The following GRM8 variants were observed in gnomAD, a reference collection of about 807,000 sequenced individuals.
The protein encoded by GRM8 is glutamate metabotropic receptor 8.
In GRM8, 47 loss-of-function variants were observed where a neutral mutation model predicts 87.2. That is an observed-to-expected ratio of 0.54 (90% CI 0.43 to 0.69). GRM8 has a LOEUF of 0.69. Ranked by LOEUF, GRM8 falls within the 30% of genes least tolerant of loss-of-function variation. The pLI is 0.00. For synonymous variants in GRM8, 396 were observed against 404.5 expected, an observed-to-expected ratio of 0.98 and a Z score of 0.25; for missense variants, 1,019 against 1,139.2, an observed-to-expected ratio of 0.89 and a Z score of 1.52.
At chr7:127,192,327 C>T (rs1451840357) in intron 2 of GRM8, among the ~76,000 whole-genome samples, 4 of 152,276 alleles carry the variant, frequency 2.6e-5, no homozygotes, top group South Asian at 2.1e-4. Context: ...AATTTTAGTC[C>T]ATTTGCAGTT....
chr7:126,753,511 TAA>T (rs1345514940), intron 7 of GRM8, among the ~76,000 whole-genome samples: 1 of 151,648 alleles, frequency 6.6e-6, no homozygotes, highest in Non-Finnish European at 1.5e-5. Context: ...CTAAAAGCAT[TAA>T]GATTTCTGAA....
At chr7:127,145,468 G>A (rs777587004) in intron 2 of GRM8, among the ~76,000 whole-genome samples, 18 of 152,012 alleles carry the variant, frequency 1.2e-4, no homozygotes, top group South Asian at 2.1e-4. Context: ...TTCATGCTTC[G>A]CTGTTAAATC....
chr7:126,964,015 A>T (rs1809586055), intron 3 of GRM8, among the ~76,000 whole-genome samples: 1 of 152,196 alleles, frequency 6.6e-6, no homozygotes, highest in African/African-American at 2.4e-5. Context: ...AACACCAAAC[A>T]TCTACGACCA....
intron 3 of GRM8, among the ~76,000 whole-genome samples, chr7:126,943,534 A>G (rs571909332): frequency 6.6e-6 from 1 of 152,348 alleles, no homozygotes; most frequent in African/African-American, 2.4e-5. Context: ...TTTATACAAA[A>G]GTTGGTATAT....
chr7:127,078,316 C>T (rs569389858), intron 3 of GRM8, among the ~76,000 whole-genome samples: 2 of 152,336 alleles, frequency 1.3e-5, no homozygotes, highest in African/African-American at 4.8e-5. Flanking sequence ...CATCCGTCTA[C>T]CTTGTTAGAC....
chr7:126,903,059 C>T (rs538339488), intron 5 of GRM8, among the ~76,000 whole-genome samples: 23 of 152,300 alleles, frequency 1.5e-4, no homozygotes, highest in African/African-American at 5.3e-4. Context: ...TTTCTCTTTC[C>T]TAGCATGGAT....
intron 8 of GRM8, among the ~76,000 whole-genome samples, chr7:126,563,341 G>A (rs1055089545): frequency 1.3e-5 from 2 of 151,126 alleles, no homozygotes; most frequent in African/African-American, 2.4e-5. Context: ...TATTTCTCAT[G>A]TCAACAGTGC....
intron 2 of GRM8, among the ~76,000 whole-genome samples, chr7:127,196,983 A>C (rs544448441): frequency 6.6e-6 from 1 of 152,142 alleles, no homozygotes. Context: ...CAATCATCCC[A>C]TCTCAGCCTC....
intron 8 of GRM8, among the ~76,000 whole-genome samples, chr7:126,553,260 C>T (rs969007498): frequency 1.2e-4 from 18 of 152,176 alleles, no homozygotes; most frequent in African/African-American, 4.1e-4. Context: ...TTTAAAAAAT[C>T]CCAAATGTAC....
chr7:127,024,509 C>T (rs572447619), intron 3 of GRM8, among the ~76,000 whole-genome samples: 21 of 152,134 alleles, frequency 1.4e-4, no homozygotes, highest in African/African-American at 2.4e-5. Context: ...TTTCCACACT[C>T]GTCCTGTCCT....
intron 6 of GRM8, among the ~76,000 whole-genome samples, chr7:126,824,311 A>G (rs1366294230): frequency 6.7e-6 from 1 of 149,854 alleles, no homozygotes; most frequent in Non-Finnish European, 1.5e-5. Context: ...CAAAAAAAGT[A>G]TATATTTTTA....
At chr7:126,878,839 C>G (rs1293268499) in intron 6 of GRM8, among the ~76,000 whole-genome samples, 1 of 150,908 alleles carries the variant, frequency 6.6e-6, no homozygotes, top group Non-Finnish European at 1.5e-5. Context: ...GAGATACTGT[C>G]TTCTAAAACT....
chr7:126,550,099 A>C (rs1299647949), intron 8 of GRM8, among the ~76,000 whole-genome samples: 1 of 151,536 alleles, frequency 6.6e-6, no homozygotes, highest in Non-Finnish European at 1.5e-5. Context: ...TAGAGTGAAA[A>C]TGTTTTTTGT....
chr7:126,806,029 G>A (rs138218044), intron 6 of GRM8, among the ~76,000 whole-genome samples: 133 of 152,278 alleles, frequency 8.7e-4, no homozygotes, highest in African/African-American at 3.2e-3. Context: ...TGTCCCTGAT[G>A]TTCAGCCTAC....
intron 8 of GRM8, among the ~76,000 whole-genome samples, chr7:126,544,257 T>C (rs1010503867): frequency 1.3e-5 from 2 of 152,162 alleles, no homozygotes; most frequent in Non-Finnish European, 2.9e-5. Context: ...GATTAATAAA[T>C]AGAACATGTG....
At chr7:126,975,020 C>T (rs986821248) in intron 3 of GRM8, among the ~76,000 whole-genome samples, 20 of 150,000 alleles carry the variant, frequency 1.3e-4, no homozygotes. Context: ...AGTTCAGATG[C>T]CTCAAAGCTG....
intron 8 of GRM8, among the ~76,000 whole-genome samples, chr7:126,554,497 G>A (rs1792925880): frequency 6.6e-6 from 1 of 152,040 alleles, no homozygotes; most frequent in East Asian, 1.9e-4. Context: ...GGAAGCTGAG[G>A]TGGAAGGATT....
intron 3 of GRM8, among the ~76,000 whole-genome samples, chr7:126,974,390 T>C (rs1810737582): frequency 6.6e-6 from 1 of 152,194 alleles, no homozygotes; most frequent in Admixed American, 6.5e-5. Context: ...GATATGTTAG[T>C]TTGCTTCACT....
At chr7:126,520,350 A>G (rs1354786025) in intron 9 of GRM8, among the ~76,000 whole-genome samples, 1 of 152,142 alleles carries the variant, frequency 6.6e-6, no homozygotes, top group Non-Finnish European at 1.5e-5. Context: ...TTTAAACATG[A>G]TACATTTGGG....
Sources: allele counts gnomAD v4.1 joint callset (sites outside exome capture counted in the v4.1 genomes callset), GRCh38; gene constraint gnomAD v4.1.1; transcripts MANE v1.5; gene names NCBI Gene and HGNC (gene_info 2026-07-23, HGNC 2026-07-21).